SLC24A3: variants seen among roughly 807,000 people sequenced by gnomAD.
The protein encoded by SLC24A3 is solute carrier family 24 member 3.
A neutral mutation model predicts 75.8 loss-of-function variants in SLC24A3; 28 were observed. That is an observed-to-expected ratio of 0.37 (90% CI 0.27 to 0.51). The LOEUF is 0.51. SLC24A3 is among the 20% of genes least tolerant of loss of function. The pLI, the probability that SLC24A3 is intolerant of heterozygous loss-of-function variation, is 0.94. For synonymous variants in SLC24A3, 372 were observed against 334.1 expected, an observed-to-expected ratio of 1.11 and a Z score of -1.24; for missense variants, 663 against 847.8, an observed-to-expected ratio of 0.78 and a Z score of 2.71.
chr20:19,376,825 C>T (rs1660573968), intron 2 of SLC24A3, among the ~76,000 whole-genome samples: 2 of 152,046 alleles, frequency 1.3e-5, no homozygotes, highest in East Asian at 1.9e-4. Flanking sequence ...GTCCTGCAGG[C>T]GAGTGGAGAT....
At chr20:19,599,351 C>T (rs2031495453) in intron 6 of SLC24A3, among the ~76,000 whole-genome samples, 1 of 152,100 alleles carries the variant, frequency 6.6e-6, no homozygotes, top group Non-Finnish European at 1.5e-5. Flanking sequence ...TCCCGCGCAC[C>T]TGGCGGACTG....
chr20:19,366,744 CA>C (rs1470728665), intron 2 of SLC24A3, among the ~76,000 whole-genome samples: 1 of 152,110 alleles, frequency 6.6e-6, no homozygotes, highest in Non-Finnish European at 1.5e-5. Flanking sequence ...AATTGGGCCC[CA>C]TATTGAGGGG....
intron 13 of SLC24A3, chr20:19,696,457 C>G (rs2032806781): frequency 1.4e-5 from 3 of 210,310 alleles, no homozygotes; most frequent in Admixed American, 1.1e-4. Context: ...CTGGATGCCT[C>G]AGGGCCACCC....
At chr20:19,677,686 CTTTTTTT>C (rs796484728) in intron 9 of SLC24A3, among the ~76,000 whole-genome samples, 1 of 113,934 alleles carries the variant, frequency 8.8e-6, no homozygotes, top group African/African-American at 3.3e-5. Context: ...TTTTTTTTTT[CTTTTTTT>C]TTTTTTTTTT....
chr20:19,535,663 A>T (rs2030382694), intron 3 of SLC24A3, among the ~76,000 whole-genome samples: 1 of 152,158 alleles, frequency 6.6e-6, no homozygotes, highest in East Asian at 1.9e-4. Flanking sequence ...AGGGGAGGTG[A>T]TTTGCTTGAG....
At chr20:19,495,287 T>C (rs776312137) in intron 2 of SLC24A3, among the ~76,000 whole-genome samples, 9 of 152,242 alleles carry the variant, frequency 5.9e-5, no homozygotes, top group Non-Finnish European at 1.3e-4. Context: ...GTGGTTGTCC[T>C]GCCTGTACTT....
chr20:19,368,968 C>T (rs978533572), intron 2 of SLC24A3, among the ~76,000 whole-genome samples: 1 of 152,104 alleles, frequency 6.6e-6, no homozygotes, highest in Admixed American at 6.5e-5. Flanking sequence ...AATGAATGAA[C>T]AAGATGAGAA....
At chr20:19,422,871 G>A (rs1222114271) in intron 2 of SLC24A3, among the ~76,000 whole-genome samples, 1 of 152,188 alleles carries the variant, frequency 6.6e-6, no homozygotes. Flanking sequence ...GTGTGAGTGA[G>A]CCCTTTTGCC....
chr20:19,228,377 C>G (rs773414947), intron 1 of SLC24A3, among the ~76,000 whole-genome samples: 1 of 152,116 alleles, frequency 6.6e-6, no homozygotes, highest in Non-Finnish European at 1.5e-5. Flanking sequence ...CGGTGGCTCA[C>G]GCCTGTAATC....
chr20:19,328,565 A>G (rs1383127631), intron 2 of SLC24A3, among the ~76,000 whole-genome samples: 2 of 151,942 alleles, frequency 1.3e-5, no homozygotes, highest in Non-Finnish European at 2.9e-5. Flanking sequence ...ACCCTGAAGG[A>G]GTGGATGTGG....
intron 8 of SLC24A3, among the ~76,000 whole-genome samples, chr20:19,668,035 A>C (rs761803656): frequency 2.0e-4 from 30 of 152,158 alleles, no homozygotes; most frequent in Non-Finnish European, 4.0e-4. Context: ...TCTGGGGGGC[A>C]TTGGAATCAT....
chr20:19,474,567 A>G (rs561075931), intron 2 of SLC24A3, among the ~76,000 whole-genome samples: 1 of 152,294 alleles, frequency 6.6e-6, no homozygotes, highest in African/African-American at 2.4e-5. Flanking sequence ...CCGTGGAGAA[A>G]AACACTATGT....
At chr20:19,390,361 A>G (rs188470137) in intron 2 of SLC24A3, among the ~76,000 whole-genome samples, 23 of 152,322 alleles carry the variant, frequency 1.5e-4, no homozygotes, top group African/African-American at 2.4e-4. Flanking sequence ...GAGATGCTCA[A>G]TGGACCATCT....
At chr20:19,591,905 A>G (rs1221282157) in intron 6 of SLC24A3, among the ~76,000 whole-genome samples, 1 of 152,202 alleles carries the variant, frequency 6.6e-6, no homozygotes, top group Non-Finnish European at 1.5e-5. Context: ...AACACAAGGG[A>G]AAAACTGCAC....
intron 6 of SLC24A3, among the ~76,000 whole-genome samples, chr20:19,650,038 G>A (rs1215696728): frequency 6.6e-6 from 1 of 152,154 alleles, no homozygotes. Context: ...ATGAGTTCAC[G>A]ATCACAGATC....
At chr20:19,352,404 C>T (rs1320850234) in intron 2 of SLC24A3, among the ~76,000 whole-genome samples, 3 of 152,136 alleles carry the variant, frequency 2.0e-5, no homozygotes, top group Non-Finnish European at 2.9e-5. Context: ...CAGCAACTAC[C>T]CAAGCCTTCT....
At chr20:19,346,304 A>ATATATATATGG (rs1568595875) in intron 2 of SLC24A3, among the ~76,000 whole-genome samples, 1 of 56,622 alleles carries the variant, frequency 1.8e-5, no homozygotes, top group African/African-American at 1.1e-4. Context: ...TATATGGTGT[A>ATATATATATGG]TATATATATA....
At chr20:19,451,940 G>A (rs112537215) in intron 2 of SLC24A3, among the ~76,000 whole-genome samples, 8 of 152,136 alleles carry the variant, frequency 5.3e-5, no homozygotes, top group African/African-American at 1.9e-4. Context: ...TTTACCAAGA[G>A]CCTCCCTCCC....
At chr20:19,402,733 A>T (rs575078914) in intron 2 of SLC24A3, among the ~76,000 whole-genome samples, 1 of 152,318 alleles carries the variant, frequency 6.6e-6, no homozygotes, top group Non-Finnish European at 1.5e-5. Context: ...GGTTGCAGCA[A>T]GTTCTAGTTA....
Sources: gnomAD v4.1 joint callset for allele counts (sites outside exome capture counted in the v4.1 genomes callset) on GRCh38, gnomAD v4.1.1 for gene constraint, MANE v1.5 for transcripts, NCBI Gene and HGNC (gene_info 2026-07-23, HGNC 2026-07-21) for gene names.